Variants in NCF2 observed in about 807,000 individuals in gnomAD.
NCF2 encodes neutrophil cytosol factor 2.
Under a neutral mutation model 70.9 loss-of-function variants are expected in NCF2, and 45 were observed. The ratio of observed to expected loss-of-function variants is 0.63; its 90% confidence interval spans 0.50 to 0.81. NCF2 has a LOEUF of 0.81. NCF2 is among the 40% of genes least tolerant of loss of function. The pLI is 0.00. For missense variants in NCF2, 522 were observed against 631.6 expected, an observed-to-expected ratio of 0.83 and a Z score of 1.86; for synonymous variants, 203 against 233.6, an observed-to-expected ratio of 0.87 and a Z score of 1.19.
intron 1 of NCF2, among the ~76,000 whole-genome samples, chr1:183,587,535 C>T (rs561525294): frequency 1.8e-4 from 25 of 139,890 alleles, no homozygotes; most frequent in Non-Finnish European, 2.7e-4. Flanking sequence ...TGGAGACTGC[C>T]GTGAGCTGTG....
At chr1:183,594,551 C>T (rs759977079), upstream of NCF2, among the ~76,000 whole-genome samples, 14 of 152,186 alleles carry the variant, frequency 9.2e-5, no homozygotes, top group Non-Finnish European at 2.1e-4. Context: ...TGTTCTGACA[C>T]ACACACCACT....
At chr1:183,562,882 C>T (rs1227826518) in intron 13 of NCF2, among the ~76,000 whole-genome samples, 1 of 151,064 alleles carries the variant, frequency 6.6e-6, no homozygotes, top group Non-Finnish European at 1.5e-5. Context: ...TATGATATGA[C>T]TTCATTCCAA....
chr1:183,565,786 GC>G lies in NCF2; in HGVS notation c.925-8del, dbSNP rs1558093877. ...ACTGCGGAGAGCTTTCCTCCTGAAGGCAACAGGGAGCGACGGTCAGAACCTT... is the reference window on the plus strand; with the variant it reads ...ACTGCGGAGAGCTTTCCTCCTGAAGGAACAGGGAGCGACGGTCAGAACCTT... On this transcript the variant is annotated splice_region_variant and splice_polypyrimidine_tract_variant and intron_variant, in intron 9 of 14. Coordinates refer to ENST00000367535, the MANE Select transcript of NCF2 (RefSeq NM_000433.4). 1 of 1,613,786 alleles carries G rather than the reference GC, an allele frequency of 6.2e-7. No homozygotes were observed. Among genetic ancestry groups the G allele is most frequent in the African/African-American group, 1.3e-5 (1 of 75,016 alleles).
chr1:183,559,516 G>T (rs935372571), intron 14 of NCF2, among the ~76,000 whole-genome samples: 2 of 152,118 alleles, frequency 1.3e-5, no homozygotes, highest in Non-Finnish European at 2.9e-5. Context: ...GTTACCTCTG[G>T]GAATGAGAAT....
intron 2 of NCF2, among the ~76,000 whole-genome samples, chr1:183,577,950 A>G (rs191067796): frequency 4.2e-4 from 64 of 152,306 alleles, no homozygotes; most frequent in African/African-American, 1.5e-3. Flanking sequence ...TTGGACAGTC[A>G]CAGGGAGTTT....
chr1:183,578,807 G>C (rs897649253), intron 2 of NCF2, among the ~76,000 whole-genome samples: 2 of 152,234 alleles, frequency 1.3e-5, no homozygotes, highest in African/African-American at 4.8e-5. Flanking sequence ...AGGGCCCACA[G>C]GCATGTAGGT....
In NCF2 at chr1:183,575,357, C is replaced by A. The variant is rs557393783; in HGVS notation, c.367-736G>T. ...TGGTGGCAGGCACCTGTAATCTCAG[C>A]TACTTGGAGGCTGAAGCAGGAGAAT... On this transcript the variant is annotated intron_variant, in intron 3 of 14. Transcript: ENST00000367535. Among the ~76,000 whole-genome samples, 7 of 152,286 alleles carry A rather than the reference C, an allele frequency of 4.6e-5. No individual in the cohort carries two copies. The East Asian group carries it at 9.7e-4, about 21-fold the overall frequency.
intron 2 of NCF2, among the ~76,000 whole-genome samples, chr1:183,586,173 A>G (rs1381222879): frequency 6.6e-6 from 1 of 152,138 alleles, no homozygotes; most frequent in Admixed American, 6.5e-5. Context: ...CATCTCTACT[A>G]AAAATACAAA....
chr1:183,570,682 T>TGTAAG (rs2102898057), intron 6 of NCF2, 98 bp downstream of exon 6: 5 of 1,299,888 alleles, frequency 3.8e-6, no homozygotes, highest in South Asian at 3.7e-5. Context: ...AAGGAGCCCT[T>TGTAAG]ACAATCAGGC....
At chr1:183,579,445 G>A (rs999882244) in intron 2 of NCF2, among the ~76,000 whole-genome samples, 1 of 152,046 alleles carries the variant, frequency 6.6e-6, no homozygotes, top group African/African-American at 2.4e-5. Context: ...AGAATAATAA[G>A]GCCGGGCGCA....
the NCF2 span, among the ~76,000 whole-genome samples, chr1:183,601,782 C>T: frequency 4.7e-5 from 7 of 150,472 alleles, no homozygotes; most frequent in Non-Finnish European, 7.4e-5. Flanking sequence ...GGCGTGAACC[C>T]AGGAGGCGGA....
chr1:183,590,670 T>C, upstream of NCF2: 1 of 368,564 alleles, frequency 2.7e-6, no homozygotes, highest in Non-Finnish European at 5.3e-6. Flanking sequence ...TTCTGCTCTG[T>C]CACCCAGCTC....
intron 3 of NCF2, 52 bp downstream of exon 3, chr1:183,577,547 A>T (rs900591001): frequency 1.4e-5 from 19 of 1,405,030 alleles, no homozygotes; most frequent in Middle Eastern, 3.8e-4. Context: ...ACTGTCAGCC[A>T]TCCATCCAGC....
intron 7 of NCF2, among the ~76,000 whole-genome samples, chr1:183,567,679 CTGGGG>C (rs1373965755): frequency 6.6e-6 from 1 of 152,122 alleles, no homozygotes; most frequent in African/African-American, 2.4e-5. Flanking sequence ...CAAGGCTGGG[CTGGGG>C]TGGGGTGGAT....
At position 183,590,406 on chromosome 1, in the gene NCF2, G is replaced by A; in HGVS notation, c.-77C>T. 1 of 1,560,472 alleles carries A rather than the reference G, an allele frequency of 6.4e-7. No individual in the cohort carries two copies. Among genetic ancestry groups the A allele is most frequent in the Non-Finnish European group, 8.8e-7 (1 of 1,136,238 alleles). ...ACAGGTTGGAGCGTCTCCCCTAGCA[G>A]GGCTGCCTTAGTGGCCCCCAAGGTG... On this transcript the variant is annotated 5_prime_UTR_variant, in exon 1 of 15. Transcript: ENST00000367535.
At chr1:183,583,862 A>G (rs1416356230) in intron 2 of NCF2, among the ~76,000 whole-genome samples, 1 of 152,138 alleles carries the variant, frequency 6.6e-6, no homozygotes, top group Admixed American at 6.6e-5. Flanking sequence ...GTTCTCACAG[A>G]GATTGCTTTT....
intron 13 of NCF2, among the ~76,000 whole-genome samples, chr1:183,562,582 C>G (rs893131443): frequency 2.0e-5 from 3 of 152,234 alleles, no homozygotes; most frequent in Admixed American, 1.3e-4. Context: ...TGTCTGTAAT[C>G]CCAGCACTTT....
intron 7 of NCF2, among the ~76,000 whole-genome samples, chr1:183,568,463 G>A (rs1432501060): frequency 6.6e-6 from 1 of 151,962 alleles, no homozygotes; most frequent in African/African-American, 2.4e-5. Flanking sequence ...CACACACCTG[G>A]CCAATCACTT....
At chr1:183,562,667 T>A (rs966624839) in intron 13 of NCF2, among the ~76,000 whole-genome samples, 1 of 152,082 alleles carries the variant, frequency 6.6e-6, no homozygotes, top group Non-Finnish European at 1.5e-5. Flanking sequence ...ACCCCGTCTC[T>A]ACTAAAAATA....
Sources: allele counts gnomAD v4.1 joint callset (sites outside exome capture counted in the v4.1 genomes callset), GRCh38; gene constraint gnomAD v4.1.1; transcripts MANE v1.5; gene names NCBI Gene and HGNC (gene_info 2026-07-23, HGNC 2026-07-21).